Variants in DNAH2 observed in about 807,000 individuals in gnomAD.
DNAH2 encodes the protein axonemal beta dynein heavy chain 2.
A neutral mutation model predicts 523.5 loss-of-function variants in DNAH2; 323 were observed. The ratio of observed to expected loss-of-function variants is 0.62; its 90% CI spans 0.56 to 0.68. The LOEUF (loss-of-function observed/expected upper bound fraction) is 0.68, where lower values mean the gene tolerates loss of function less well. DNAH2 is among the 30% of genes least tolerant of loss of function. The pLI is 0.00. For missense variants in DNAH2, 4,907 were observed against 5,701.5 expected (o/e 0.86, Z 4.49); for synonymous variants, 2,093 against 2,177.4 (o/e 0.96, Z 1.08).
Position 7,832,501 on chromosome 17 carries a change from C to T in DNAH2, c.12727-78C>T. 1 of 1,536,678 alleles carries T rather than the reference C, an allele frequency of 6.5e-7. No individual in the cohort carries two copies. Among genetic ancestry groups the T allele is most frequent in the East Asian group, 2.3e-5 (1 of 44,302 alleles). ...TCCAGCCTGGGGGACAAGAGCAAAA[C>T]TCTGTCTCTAAATAAATAAATAATA... is the stretch of plus-strand genomic sequence containing the variant. On this transcript the variant is annotated intron_variant, in intron 82 of 85. Transcript: ENST00000572933. The surrounding 1 kb of genome is among the most constrained non-coding windows in gnomAD (Gnocchi z 4.3).
chr17:7,777,305 C>G, intron 32 of DNAH2, 141 bp from the exon 33 acceptor site: 2 of 901,100 alleles, frequency 2.2e-6, no homozygotes, highest in Admixed American at 4.1e-5. Flanking sequence ...TGGGGGCAGT[C>G]CGTGGTAGAG....
In DNAH2 at chr17:7,783,800, C is replaced by CAA. The variant is rs58121431; in HGVS notation, c.6130-2312_6130-2311dup. ...GGGTGACAGAGTGAGACCCTGTTTC[C>CAA]AAAAAAAAAAAAACAAAAAACAGAA... On this transcript the variant is annotated intron_variant, in intron 39 of 85. Transcript: ENST00000572933. 6.8e-3 allele frequency among the ~76,000 whole-genome samples: 691 copies of CAA among 102,066 alleles called. 5 individuals carry two copies. The highest frequency in any genetic ancestry group is 0.024 in the African/African-American group (658 of 27,816). The allele number at this position is 102,066 out of a possible 152,430, so 67.0% of individuals were successfully genotyped here.
rs547261520 is a variant in DNAH2 at position 7,799,805 on chromosome 17, G to A, written c.8699+563G>A. On this transcript the variant is annotated intron_variant, in intron 56 of 85. Coordinates refer to ENST00000572933, the MANE Select transcript of DNAH2 (RefSeq NM_020877.5). ...TACACTCCAGCTTGGGTGACAGAGC[G>A]AGACTCTGTCTCAAAATACACACAC... Among the ~76,000 whole-genome samples the A allele has an allele frequency of 3.2e-4, 48 of 152,240 alleles. No homozygotes were observed. The Middle Eastern group carries it at 0.014, about 43-fold the overall frequency.
intron 35 of DNAH2, 122 bp downstream of exon 35, chr17:7,778,591 C>CTTATTTAT (rs199828031): frequency 0.022 from 19,819 of 888,846 alleles, 590 homozygotes; most frequent in African/African-American, 0.093. Context: ...ACATGTAATT[C>CTTATTTAT]TTATTTATTT....
chr17:7,729,773 A>T (rs1005216661), intron 4 of DNAH2, among the ~76,000 whole-genome samples: 1 of 152,202 alleles, frequency 6.6e-6, no homozygotes, highest in African/African-American at 2.4e-5. Context: ...GCCTTAAATG[A>T]GCACTAACCA....
chr17:7,793,841 A>T (rs1479605710), intron 48 of DNAH2, among the ~76,000 whole-genome samples: 1 of 151,968 alleles, frequency 6.6e-6, no homozygotes, highest in Non-Finnish European at 1.5e-5. Context: ...AGGGCCAAAA[A>T]CTCGCCTAGT....
At chr17:7,816,507 T>C (rs2077669726) in intron 63 of DNAH2, 64 bp from the exon 64 acceptor site, 41 of 1,582,832 alleles carry the variant, frequency 2.6e-5, no homozygotes, top group Non-Finnish European at 3.5e-5. Flanking sequence ...AGAGTCATGA[T>C]GTGAACAAGA....
chr17:7,727,446 A>T (rs956780261), intron 4 of DNAH2, among the ~76,000 whole-genome samples, 154 bp downstream of exon 4: 2 of 152,100 alleles, frequency 1.3e-5, no homozygotes, highest in African/African-American at 4.8e-5. Flanking sequence ...GGATAGGAAG[A>T]AGGATGACGC....
chr17:7,757,608 A>G (rs1427574414), intron 13 of DNAH2, among the ~76,000 whole-genome samples: 4 of 152,180 alleles, frequency 2.6e-5, no homozygotes, highest in African/African-American at 9.7e-5. Flanking sequence ...TCCCTGCCTC[A>G]GTTTCTGGAC....
In DNAH2 at chr17:7,754,309, T is replaced by A. The variant is rs539082355; in HGVS notation, c.1905-2782T>A. ...TATAGGAGAGCTGGAAGAGGGCATC[T>A]GAAAGGGAAAGGAAGTTATACTAGA... On this transcript the variant is annotated intron_variant, in intron 12 of 85. Coordinates refer to ENST00000572933, the MANE Select transcript of DNAH2 (RefSeq NM_020877.5). This position sits in a 1 kb window ranked among gnomAD's most constrained non-coding sequence, Gnocchi z 4.6. The A allele has an allele frequency of 1.8e-5, 7 of 383,494 alleles. No homozygotes were observed. The highest frequency in any genetic ancestry group is 1.4e-4 in the African/African-American group (7 of 48,708). The allele number at this position is 383,494 out of a possible 1,614,324, so 23.8% of individuals were successfully genotyped here.
At chr17:7,785,887 A>G (rs936484203) in intron 39 of DNAH2, among the ~76,000 whole-genome samples, 1 of 152,152 alleles carries the variant, frequency 6.6e-6, no homozygotes, top group Non-Finnish European at 1.5e-5. Context: ...TGGAGAAGTA[A>G]CTTACCCAGG....
Position 7,807,521 on chromosome 17 carries a change from G to A in DNAH2, c.9664G>A (p.Ala3222Thr), listed in dbSNP as rs760236192. The A allele has an allele frequency of 1.1e-5, 18 of 1,613,426 alleles. No homozygotes were observed. The highest frequency in any genetic ancestry group is 1.1e-4 in the South Asian group (10 of 91,086). The change falls in exon 63 of 86, where the codon GCT (alanine) becomes ACT (threonine). Residue 3222 changes from alanine (A) to threonine (T), a missense_variant. Physicochemically the swap from Ala to Thr is moderately conservative, Grantham distance 58. Transcript: ENST00000572933. The surrounding 1 kb of genome is among the most constrained non-coding windows in gnomAD (Gnocchi z 5.6). ...GGAGCCCAAGCGAATCCGAATGAAC[G>A]CTGCCTTGGCTCAGCTTCGGGAGAA... ...VVEPKRIRMNAALAQLREKQA... is the reference protein window; with the variant it reads ...VVEPKRIRMNTALAQLREKQA...
chr17:7,757,154 T>C lies in DNAH2; in HGVS notation c.1968T>C (p.His656=). Reference sequence around the variant, plus strand: ...AGCGGCTGCTGTTTGAGACGCCCCATTACGTGGTGAACGTAGCTGAGCGAG... The same window carrying C: ...AGCGGCTGCTGTTTGAGACGCCCCACTACGTGGTGAACGTAGCTGAGCGAG... ...YWERLLFETP[H]YVVNVAERAE... The change falls in exon 13 of 86, where the codon CAT becomes CAC. Residue 656 remains histidine, a synonymous_variant. Coordinates refer to ENST00000572933, the MANE Select transcript of DNAH2 (RefSeq NM_020877.5). 1 of 1,614,170 alleles carries C rather than the reference T, an allele frequency of 6.2e-7. No homozygotes were observed. The highest frequency in any genetic ancestry group is 8.5e-7 in the Non-Finnish European group (1 of 1,180,010).
intron 48 of DNAH2, 21 bp from the exon 49 acceptor site, chr17:7,794,233 C>A: frequency 6.3e-7 from 1 of 1,582,898 alleles, no homozygotes; most frequent in Non-Finnish European, 8.6e-7. Flanking sequence ...CCTGTCTGCC[C>A]TCCTTGTCGC....
intron 33 of DNAH2, 110 bp from the exon 34 acceptor site, chr17:7,777,967 C>A (rs1567682418): frequency 9.8e-7 from 1 of 1,016,092 alleles, no homozygotes; most frequent in Non-Finnish European, 1.5e-6. Flanking sequence ...AACCCCTGAT[C>A]CCTTCACTGC....
chr17:7,812,767 CAAAAAA>C (rs59534940), intron 63 of DNAH2, among the ~76,000 whole-genome samples: 2 of 23,820 alleles, frequency 8.4e-5, no homozygotes, highest in African/African-American at 1.8e-4. Context: ...CTAAAAATAC[CAAAAAA>C]AAAAAAAAAA....
chr17:7,776,797 C>A lies in DNAH2; in HGVS notation c.4966C>A (p.Gln1656Lys). Residue 1656 changes from glutamine to lysine, a missense_variant, in exon 32 of 86, where the codon CAG becomes AAG. Gln to Lys is a moderately conservative substitution (Grantham distance 53, BLOSUM62 1). Around this residue, in one of 3 missense-constraint regions of DNAH2, gnomAD observed 2,806 missense variants for 3,190.8 expected, o/e 0.88. Coordinates refer to ENST00000572933, the MANE Select transcript of DNAH2 (RefSeq NM_020877.5). ...TCCCCAGGTGGTGATCACTGCCAGT[C>A]AGATCCAGTGGACGGCTGATGTCAC... is the stretch of plus-strand genomic sequence containing the variant. The part of the protein sequence containing the change: ...WAGQVVITAS[Q>K]IQWTADVTKC... 1 of 1,612,624 alleles carries A rather than the reference C, an allele frequency of 6.2e-7. No individual in the cohort carries two copies. The highest frequency in any genetic ancestry group is 1.1e-5 in the South Asian group (1 of 90,970).
chr17:7,793,447 T>TTCTTTTTTCTTTCTTTC (rs774059490), intron 48 of DNAH2, among the ~76,000 whole-genome samples: 1 of 96,416 alleles, frequency 1.0e-5, no homozygotes, highest in Non-Finnish European at 2.4e-5. Flanking sequence ...CTTTCTTTCT[T>TTCTTTTTTCTTTCTTTC]TTTCTTTCTT....
Position 7,824,519 on chromosome 17 carries a change from C to CCTGGCATCTCCTTGCAGGACA in DNAH2, c.11663-13_11670dup. The CCTGGCATCTCCTTGCAGGACA allele has an allele frequency of 6.6e-7, 1 of 1,524,846 alleles. No individual in the cohort carries two copies. Among genetic ancestry groups the CCTGGCATCTCCTTGCAGGACA allele is most frequent in the South Asian group, 1.3e-5 (1 of 79,708 alleles). 94.5% of individuals were successfully genotyped at this position (1,524,846 alleles called of 1,614,324 possible). A position where few individuals can be genotyped will look rare whatever the true frequency, so the allele number is the denominator to read the frequency against. The stretch of plus-strand genomic sequence containing the variant: ...GGCTTAGGAAATGATTCCCACTGAC[C>CCTGGCATCTCCTTGCAGGACA]CTGGCATCTCCTTGCAGGACACTGG... On this transcript the variant is annotated splice_polypyrimidine_tract_variant and intron_variant, in intron 76 of 85. Transcript: ENST00000572933.
Sources: gnomAD v4.1 joint callset for allele counts (sites outside exome capture counted in the v4.1 genomes callset) on GRCh38, gnomAD v4.1.1 for gene constraint, gnomAD v4.1.1 regional missense constraint, Gnocchi (gnomAD v3.1) non-coding constraint, MANE v1.5 for transcripts, NCBI Gene and HGNC (gene_info 2026-07-23, HGNC 2026-07-21) for gene names.